PKIG: variants seen among roughly 807,000 people sequenced by gnomAD.
The protein encoded by PKIG is protein kinase (cAMP-dependent, catalytic) inhibitor gamma.
Under a neutral mutation model 6.8 loss-of-function variants are expected in PKIG, and 1 was observed. The observed-to-expected ratio is 0.15, with a 90% CI of 0.05 to 0.69. The LOEUF (loss-of-function observed/expected upper bound fraction) is 0.69, where lower values mean the gene tolerates loss of function less well. PKIG is among the 30% of genes least tolerant of loss of function. PKIG has a pLI of 0.82. For missense variants in PKIG, 77 were observed against 104.0 expected, an observed-to-expected ratio of 0.74 and a Z score of 1.13; for synonymous variants, 39 against 43.0, an observed-to-expected ratio of 0.91 and a Z score of 0.36.
At chr20:44,602,205 C>G (rs184075588) in intron 2 of PKIG, among the ~76,000 whole-genome samples, 1 of 152,334 alleles carries the variant, frequency 6.6e-6, no homozygotes, top group East Asian at 1.9e-4. Context: ...CTAGAAGATT[C>G]TAGATTGTTT....
chr20:44,550,148 C>A (rs938512541), intron 1 of PKIG, among the ~76,000 whole-genome samples: 1 of 148,640 alleles, frequency 6.7e-6, no homozygotes, highest in African/African-American at 2.5e-5. Flanking sequence ...TACCATTGTG[C>A]TGTGTGTTTA....
At chr20:44,535,380 C>T (rs112497999) in intron 1 of PKIG, among the ~76,000 whole-genome samples, 2,045 of 152,290 alleles carry the variant, frequency 0.013, 47 homozygotes, top group African/African-American at 0.046. Flanking sequence ...GTGGCTTACG[C>T]CTGTAATCCC....
In PKIG at chr20:44,618,357, C is replaced by T. The variant is rs199634126; in HGVS notation, c.224C>T (p.Ser75Leu). The change falls in exon 4 of 4, where the codon TCG becomes TTG. Residue 75 changes from serine (S) to leucine (L), a missense_variant. By Grantham distance (145) the Ser-to-Leu change is moderately radical. Coordinates refer to ENST00000372886, the MANE Select transcript of PKIG (RefSeq NM_001281445.2). ...NQPQSSDGTTSS is the reference protein window; with the variant it reads ...NQPQSSDGTTLS The stretch of plus-strand genomic sequence containing the variant: ...CCCCAGAGCAGCGATGGGACCACCT[C>T]GTCTTGAATCTGACCTTGTCCAAGA... The T allele has an allele frequency of 4.4e-6, 7 of 1,608,336 alleles. No homozygotes were observed. The highest frequency in any genetic ancestry group is 2.2e-5 in the East Asian group (1 of 44,854).
At chr20:44,601,743 TG>T (rs1367129609) in intron 2 of PKIG, among the ~76,000 whole-genome samples, 2 of 152,350 alleles carry the variant, frequency 1.3e-5, no homozygotes, top group African/African-American at 4.8e-5. Flanking sequence ...GTTTGCTTTT[TG>T]TATGGTTTCT....
chr20:44,565,831 C>T (rs1490757095), intron 1 of PKIG, among the ~76,000 whole-genome samples: 1 of 152,172 alleles, frequency 6.6e-6, no homozygotes, highest in African/African-American at 2.4e-5. Flanking sequence ...GGCACGATCT[C>T]GGCTCACTAC....
chr20:44,572,173 T>C (rs1427668713), intron 1 of PKIG, among the ~76,000 whole-genome samples: 1 of 152,042 alleles, frequency 6.6e-6, no homozygotes, highest in Non-Finnish European at 1.5e-5. Flanking sequence ...CCGGCTAATT[T>C]TTTTGTGTTT....
At chr20:44,596,848 T>G (rs2065079514) in intron 2 of PKIG, among the ~76,000 whole-genome samples, 1 of 152,192 alleles carries the variant, frequency 6.6e-6, no homozygotes, top group African/African-American at 2.4e-5. Context: ...ATTCACATAT[T>G]AAGGGTAAAA....
chr20:44,583,137 G>A (rs985416256), intron 1 of PKIG, among the ~76,000 whole-genome samples: 5 of 152,138 alleles, frequency 3.3e-5, no homozygotes, highest in Non-Finnish European at 7.4e-5. Flanking sequence ...AAAAGTCTCC[G>A]AAAGTAGTGA....
intron 1 of PKIG, among the ~76,000 whole-genome samples, chr20:44,566,674 C>T (rs1400211041): frequency 2.0e-5 from 3 of 152,054 alleles, no homozygotes; most frequent in African/African-American, 7.2e-5. Flanking sequence ...GGCGAAATCC[C>T]GTCTCTACTA....
intron 2 of PKIG, among the ~76,000 whole-genome samples, chr20:44,608,735 G>A (rs189908999): frequency 3.3e-5 from 5 of 151,982 alleles, no homozygotes; most frequent in Admixed American, 2.0e-4. Flanking sequence ...AGGAAGTTGA[G>A]GCTACAGTGA....
chr20:44,600,931 G>T (rs565795473), intron 2 of PKIG, among the ~76,000 whole-genome samples: 1 of 151,938 alleles, frequency 6.6e-6, no homozygotes, highest in Admixed American at 6.6e-5. Context: ...CTTAAGAGAG[G>T]GTTGCAGCTC....
At chr20:44,617,908 C>CA (rs974518363) in intron 3 of PKIG, among the ~76,000 whole-genome samples, 1 of 150,060 alleles carries the variant, frequency 6.7e-6, no homozygotes, top group Admixed American at 6.6e-5. Context: ...AAAAAAAAAA[C>CA]AAACAAACAG....
At chr20:44,610,196 G>C (rs978044564) in intron 2 of PKIG, among the ~76,000 whole-genome samples, 2 of 152,198 alleles carry the variant, frequency 1.3e-5, no homozygotes, top group African/African-American at 4.8e-5. Context: ...AATTGCCGTG[G>C]ACAGTGTCCT....
intron 2 of PKIG, among the ~76,000 whole-genome samples, chr20:44,610,966 G>C (rs244085): frequency 0.073 from 11,134 of 151,496 alleles, 447 homozygotes; most frequent in South Asian, 0.15. Flanking sequence ...GATCAGGGCA[G>C]TTAGCATATC....
intron 1 of PKIG, among the ~76,000 whole-genome samples, chr20:44,564,669 A>G (rs2064795763): frequency 6.6e-6 from 1 of 152,206 alleles, no homozygotes; most frequent in African/African-American, 2.4e-5. Flanking sequence ...CCTCTTGAGT[A>G]TCTGGGACTA....
intron 2 of PKIG, among the ~76,000 whole-genome samples, chr20:44,605,041 C>A (rs2065151803): frequency 6.6e-6 from 1 of 151,972 alleles, no homozygotes; most frequent in Non-Finnish European, 1.5e-5. Context: ...AAGATTTGAG[C>A]TATGAGAAGG....
intron 1 of PKIG, among the ~76,000 whole-genome samples, chr20:44,563,566 C>A (rs752349340): frequency 5.9e-5 from 9 of 152,136 alleles, no homozygotes; most frequent in Non-Finnish European, 1.3e-4. Context: ...ATCTTGCTCT[C>A]TTGCCCAGGC....
chr20:44,615,103 C>T (rs2065252945), intron 3 of PKIG, among the ~76,000 whole-genome samples: 6 of 152,110 alleles, frequency 3.9e-5, no homozygotes, highest in Admixed American at 3.9e-4. Context: ...CAGCAGACCC[C>T]ATTTAAACCA....
In PKIG at chr20:44,591,898, C is replaced by T. The variant is rs534582463; in HGVS notation, c.-24+2032C>T. Among the ~76,000 whole-genome samples, 94 of 152,238 alleles carry T rather than the reference C, an allele frequency of 6.2e-4. No individual in the cohort carries two copies. In the South Asian group the frequency reaches 7.5e-3, roughly 12 times the overall value. On this transcript the variant is annotated intron_variant, in intron 2 of 3. Transcript: ENST00000372886. ...AGTGCATCCTGTCGCTGCAGCTTAT[C>T]GCCTGGGATGAGAGCAGTGAAGAAG...
Sources: gnomAD v4.1 joint callset for allele counts (sites outside exome capture counted in the v4.1 genomes callset) on GRCh38, gnomAD v4.1.1 for gene constraint, MANE v1.5 for transcripts, NCBI Gene and HGNC (gene_info 2026-07-23, HGNC 2026-07-21) for gene names.